Variants in FMN2 observed in about 807,000 individuals in gnomAD.
The protein encoded by FMN2 is formin 2.
Under a neutral mutation model 142.3 loss-of-function variants are expected in FMN2, and 51 were observed. The ratio of observed to expected loss-of-function variants is 0.36; its 90% CI spans 0.29 to 0.45. The LOEUF is 0.45. Among genes scored for constraint, FMN2 ranks in the 20% least tolerant of loss-of-function variants. The pLI is 1.00. For missense variants in FMN2, 1,936 were observed against 2,122.8 expected (o/e 0.91, Z 1.73); for synonymous variants, 882 against 869.8 (o/e 1.01, Z -0.25).
chr1:240,455,275 G>A (rs1042133366), intron 16 of FMN2, among the ~76,000 whole-genome samples: 9 of 67,130 alleles, frequency 1.3e-4, no homozygotes, highest in African/African-American at 1.8e-4. Flanking sequence ...GTGGCTCACC[G>A]GGGCAGGAGG....
At chr1:240,153,798 C>T (rs1663889556) in intron 2 of FMN2, among the ~76,000 whole-genome samples, 1 of 152,076 alleles carries the variant, frequency 6.6e-6, no homozygotes, top group Admixed American at 6.6e-5. Context: ...TATGATAAAG[C>T]TAACATGCAG....
At chr1:240,144,272 C>A (rs567156552) in intron 2 of FMN2, 4 of 1,602,702 alleles carry the variant, frequency 2.5e-6, no homozygotes, top group Non-Finnish European at 3.4e-6. Flanking sequence ...CAGGTTCATG[C>A]GGGCAGAGTC....
chr1:240,313,977 G>GA (rs1406801139), intron 8 of FMN2, among the ~76,000 whole-genome samples: 4 of 151,350 alleles, frequency 2.6e-5, no homozygotes, highest in Non-Finnish European at 5.9e-5. Context: ...CTCTGTCTCA[G>GA]AAAAAAAATA....
chr1:240,143,246 A>G lies in FMN2; in HGVS notation c.1782+19901A>G, dbSNP rs1271835883. 4 of 1,586,018 alleles carry G rather than the reference A, an allele frequency of 2.5e-6. No individual in the cohort carries two copies. In the African/African-American group the frequency reaches 5.4e-5, roughly 21 times the overall value. ...AGTTATAGGAAACTTCTGGATCAGC[A>G]TCATGAGATAATTTGCTTAGGGTAT... On this transcript the variant is annotated intron_variant, in intron 2 of 17. Coordinates refer to ENST00000319653, the MANE Select transcript of FMN2 (RefSeq NM_020066.5).
chr1:240,099,888 C>T (rs532660292), intron 1 of FMN2, among the ~76,000 whole-genome samples: 11 of 152,098 alleles, frequency 7.2e-5, no homozygotes, highest in Non-Finnish European at 1.2e-4. Flanking sequence ...CCTGTTCACC[C>T]GATTCCATCC....
intron 14 of FMN2, among the ~76,000 whole-genome samples, chr1:240,383,697 A>G (rs1016745761): frequency 6.6e-6 from 1 of 152,138 alleles, no homozygotes; most frequent in Non-Finnish European, 1.5e-5. Flanking sequence ...CAAAGAACTA[A>G]AAGGAGAACT....
At chr1:240,307,742 A>C (rs1670462484) in intron 8 of FMN2, among the ~76,000 whole-genome samples, 1 of 152,058 alleles carries the variant, frequency 6.6e-6, no homozygotes, top group South Asian at 2.1e-4. Context: ...GTTTCATTTG[A>C]ATTTTAGAAT....
intron 15 of FMN2, among the ~76,000 whole-genome samples, chr1:240,414,125 T>C (rs976842247): frequency 6.6e-6 from 1 of 152,210 alleles, no homozygotes; most frequent in African/African-American, 2.4e-5. Flanking sequence ...GTGGACTTGG[T>C]TGTGGTGAGT....
chr1:240,157,874 C>T (rs537621873), intron 2 of FMN2, among the ~76,000 whole-genome samples: 16 of 151,354 alleles, frequency 1.1e-4, no homozygotes, highest in African/African-American at 3.9e-4. Flanking sequence ...TGGTGGCTCA[C>T]TCCTGTAATC....
At chr1:240,330,487 G>C (rs1466082704) in intron 10 of FMN2, 116 bp from the exon 11 acceptor site, 1 of 1,044,102 alleles carries the variant, frequency 9.6e-7, no homozygotes, top group African/African-American at 1.6e-5. Context: ...GAATGATAAA[G>C]TTCGGTTGTG....
At chr1:240,098,503 C>G (rs147879508) in intron 1 of FMN2, among the ~76,000 whole-genome samples, 1 of 151,946 alleles carries the variant, frequency 6.6e-6, no homozygotes, top group Admixed American at 6.6e-5. Context: ...CCAGCAGAGC[C>G]CCTGACAGAG....
At chr1:240,245,640 G>T in intron 6 of FMN2, 1 of 469,896 alleles carries the variant, frequency 2.1e-6, no homozygotes, top group Non-Finnish European at 4.4e-6. Context: ...GTGTAGTAGG[G>T]GTATTAGTTA....
chr1:240,315,015 A>C (rs1009142649), intron 8 of FMN2, among the ~76,000 whole-genome samples: 2 of 152,108 alleles, frequency 1.3e-5, no homozygotes, highest in African/African-American at 4.8e-5. Flanking sequence ...TTTTCCAGTA[A>C]TTTTCCTTGA....
In FMN2 at chr1:240,323,246, G is replaced by C. The variant is rs79074297; in HGVS notation, c.4216-5830G>C. ...CTCTCACTCTCTCACCCAGGCTGGA[G>C]TGCAGTGGCCCAATCTCGGCTCACT... On this transcript the variant is annotated intron_variant, in intron 8 of 17. Coordinates refer to ENST00000319653, the MANE Select transcript of FMN2 (RefSeq NM_020066.5). Among the ~76,000 whole-genome samples the C allele has an allele frequency of 5.4e-3, 809 of 150,476 alleles. 9 individuals are homozygous for C. The highest frequency in any genetic ancestry group is 0.019 in the African/African-American group (759 of 40,810).
chr1:240,276,822 A>G (rs1041973857), intron 7 of FMN2, among the ~76,000 whole-genome samples: 1 of 152,186 alleles, frequency 6.6e-6, no homozygotes, highest in Non-Finnish European at 1.5e-5. Flanking sequence ...AGTGGCAAGG[A>G]CGAAGAGAGA....
intron 8 of FMN2, among the ~76,000 whole-genome samples, chr1:240,315,129 A>T (rs2102992464): frequency 6.6e-6 from 1 of 152,284 alleles, no homozygotes; most frequent in East Asian, 1.9e-4. Context: ...AAATTCCTTT[A>T]TTCTGCTGAT....
intron 13 of FMN2, among the ~76,000 whole-genome samples, chr1:240,354,266 A>G (rs1255655878): frequency 1.3e-5 from 2 of 152,120 alleles, no homozygotes; most frequent in Non-Finnish European, 1.5e-5. Context: ...ACCAGCATAG[A>G]ACAGGAATGG....
At chr1:240,439,270 C>CAAAAAA (rs58234038) in intron 16 of FMN2, among the ~76,000 whole-genome samples, 4,660 of 100,984 alleles carry the variant, frequency 0.046, 156 homozygotes, top group African/African-American at 0.067. Flanking sequence ...AAGGCTGTCT[C>CAAAAAA]AAAAAAAAAA....
At chr1:240,416,901 T>A (rs1442385020) in intron 15 of FMN2, among the ~76,000 whole-genome samples, 3 of 152,038 alleles carry the variant, frequency 2.0e-5, no homozygotes, top group Non-Finnish European at 4.4e-5. Context: ...TTTCTTTTTT[T>A]AAAATCATAT....
Sources: gnomAD v4.1 joint callset for allele counts (sites outside exome capture counted in the v4.1 genomes callset) on GRCh38, gnomAD v4.1.1 for gene constraint, MANE v1.5 for transcripts, NCBI Gene and HGNC (gene_info 2026-07-23, HGNC 2026-07-21) for gene names.